HMGB1: variants seen among roughly 807,000 people sequenced by gnomAD.
HMGB1 encodes the protein high mobility group protein B1.
For missense variants in HMGB1, 79 were observed against 253.5 expected (o/e 0.31, Z 4.67); for synonymous variants, 81 against 84.0 (o/e 0.96, Z 0.19).
chr13:30,502,700 C>A (rs1887762024), intron 1 of HMGB1, among the ~76,000 whole-genome samples: 1 of 148,524 alleles, frequency 6.7e-6, no homozygotes, highest in Non-Finnish European at 1.5e-5. Context: ...ACTCTGTCAC[C>A]CAGGCTGGGA....
chr13:30,519,453 T>C (rs1389561736), intron 1 of HMGB1, among the ~76,000 whole-genome samples: 1 of 150,408 alleles, frequency 6.6e-6, no homozygotes, highest in Non-Finnish European at 1.5e-5. Context: ...CCCAGCACTT[T>C]GGGAGGCCAA....
At chr13:30,470,517 T>C (rs145775891), upstream of HMGB1, among the ~76,000 whole-genome samples, 388 of 152,336 alleles carry the variant, frequency 2.5e-3, 6 homozygotes, top group East Asian at 1.2e-3. Context: ...TCTAAGCATT[T>C]ACCAGTTTCC....
At chr13:30,616,307 A>C (rs910227882) in intron 1 of HMGB1, among the ~76,000 whole-genome samples, 1 of 152,242 alleles carries the variant, frequency 6.6e-6, no homozygotes, top group Non-Finnish European at 1.5e-5. Flanking sequence ...TACCAAATTT[A>C]CACTGAAAGA....
intron 1 of HMGB1, among the ~76,000 whole-genome samples, chr13:30,574,941 C>A (rs1490872644): frequency 1.3e-5 from 2 of 152,244 alleles, no homozygotes. Flanking sequence ...TATGCATATA[C>A]TACATAAAAA....
intron 1 of HMGB1, among the ~76,000 whole-genome samples, chr13:30,583,854 A>G (rs1245268889): frequency 6.6e-6 from 1 of 151,050 alleles, no homozygotes; most frequent in Non-Finnish European, 1.5e-5. Context: ...AAAGAAAGAA[A>G]GAAAGAAAGA....
chr13:30,474,712 A>C (rs1887025374), intron 1 of HMGB1, among the ~76,000 whole-genome samples: 1 of 147,602 alleles, frequency 6.8e-6, no homozygotes, highest in Non-Finnish European at 1.5e-5. Flanking sequence ...CAGTGATTGA[A>C]CCACTGCACT....
chr13:30,465,179 T>TC lies in HMGB1; in HGVS notation c.-15+616dup, dbSNP rs1163054167. 576 of 929,142 alleles carry TC rather than the reference T, an allele frequency of 6.2e-4. 1 individual carries two copies. The highest frequency in any genetic ancestry group is 6.9e-4 in the Non-Finnish European group (550 of 792,728). 57.6% of individuals were successfully genotyped at this position (929,142 alleles called of 1,614,324 possible). On this transcript the variant is annotated intron_variant, in intron 1 of 4. Coordinates refer to ENST00000341423, the MANE Select transcript of HMGB1 (RefSeq NM_002128.7). ...GTTCCAGCGAGCGCAGCGGCGCCGC[T>TC]CCCCCCGCCGCCCGGCCGCCGCCGC...
chr13:30,468,986 C>T (rs894929459), upstream of HMGB1, among the ~76,000 whole-genome samples: 5 of 152,180 alleles, frequency 3.3e-5, no homozygotes, highest in African/African-American at 4.8e-5. Flanking sequence ...CTCCACCTCC[C>T]GGGTTCAAGC....
chr13:30,478,756 T>C (rs1887157230), intron 1 of HMGB1, among the ~76,000 whole-genome samples: 1 of 152,220 alleles, frequency 6.6e-6, no homozygotes, highest in South Asian at 2.1e-4. Context: ...AGCCTCAAAC[T>C]CTTGGGCTCA....
chr13:30,609,150 C>T (rs994550423), intron 1 of HMGB1, among the ~76,000 whole-genome samples: 1 of 152,174 alleles, frequency 6.6e-6, no homozygotes, highest in Non-Finnish European at 1.5e-5. Context: ...GTAGTCCCAG[C>T]TACTCAGGAC....
intron 1 of HMGB1, among the ~76,000 whole-genome samples, chr13:30,527,942 A>G (rs1888408351): frequency 6.6e-6 from 1 of 152,232 alleles, no homozygotes; most frequent in Non-Finnish European, 1.5e-5. Flanking sequence ...TTGAAATTTT[A>G]AAAAGGCAAA....
chr13:30,556,398 C>G (rs1566024173), intron 1 of HMGB1, among the ~76,000 whole-genome samples: 2 of 152,156 alleles, frequency 1.3e-5, no homozygotes, highest in African/African-American at 4.8e-5. Context: ...GAGAGAAACT[C>G]TGTTTCAAAA....
In HMGB1 at chr13:30,590,306, A is replaced by C. The variant is rs151134728; in HGVS notation, c.-15+26365T>G. Among the ~76,000 whole-genome samples, 532 of 152,082 alleles carry C rather than the reference A, an allele frequency of 3.5e-3. 2 individuals are homozygous for C. The highest frequency in any genetic ancestry group is 0.011 in the African/African-American group (457 of 41,494). ...AATTTATTTTTAATACAGCACTTTA[A>C]ATTTTATTTTTAAATTTTAATCTAT... On this transcript the variant is annotated intron_variant, in intron 1 of 4. Coordinates refer to the HMGB1 transcript ENST00000405805.
chr13:30,564,267 T>C (rs1870087899), intron 1 of HMGB1, among the ~76,000 whole-genome samples: 1 of 120,890 alleles, frequency 8.3e-6, no homozygotes, highest in African/African-American at 3.3e-5. Context: ...AACCCGGCTC[T>C]ACTAAAAATG....
chr13:30,460,282 CAATT>C lies in HMGB1; in HGVS notation c.*1071_*1074del, dbSNP rs1565992106. On this transcript the variant is annotated 3_prime_UTR_variant, in exon 5 of 5. Coordinates refer to ENST00000341423, the MANE Select transcript of HMGB1 (RefSeq NM_002128.7). Reference sequence around the variant, plus strand: ...GGCATCTTTGTTTGAAAAGCTGGCCCAATTAATTAAAAATACTTGTAATGGAAAG... The same window carrying C: ...GGCATCTTTGTTTGAAAAGCTGGCCCAATTAAAAATACTTGTAATGGAAAG... 2.1e-5 allele frequency: 3 copies of C among 145,646 alleles called. No homozygotes were observed. The highest frequency in any genetic ancestry group is 2.0e-4 in the East Asian group (1 of 5,098). The allele number at this position is 145,646 out of a possible 1,614,324, so 9.0% of individuals were successfully genotyped here. A position where few individuals can be genotyped will look rare whatever the true frequency, so the allele number is the denominator to read the frequency against.
chr13:30,611,471 A>C (rs1950512448), intron 1 of HMGB1, among the ~76,000 whole-genome samples: 1 of 152,212 alleles, frequency 6.6e-6, no homozygotes. Context: ...AAGTGAAGCT[A>C]AACATTTATT....
chr13:30,567,484 G>T (rs1870236056), intron 1 of HMGB1, among the ~76,000 whole-genome samples: 1 of 151,808 alleles, frequency 6.6e-6, no homozygotes, highest in Non-Finnish European at 1.5e-5. Context: ...CGAGTAGCTG[G>T]GATTACAGGT....
At chr13:30,466,176 G>A (rs1341709276), upstream of HMGB1, among the ~76,000 whole-genome samples, 1 of 152,220 alleles carries the variant, frequency 6.6e-6, no homozygotes, top group Non-Finnish European at 1.5e-5. Context: ...GCTCTATGGT[G>A]TATGTGTGCA....
rs1259078905 is a variant in HMGB1, at chr13:30,597,227, A to C, written c.-15+19444T>G. On this transcript the variant is annotated intron_variant, in intron 1 of 4. Transcript: ENST00000405805. ...CCAATACGACCAGTGTCCTTATAAAAAAAAGGAAATTTGGATACAGATACA... is the reference window on the plus strand; with the variant it reads ...CCAATACGACCAGTGTCCTTATAAACAAAAGGAAATTTGGATACAGATACA... Among the ~76,000 whole-genome samples the C allele has an allele frequency of 2.0e-5, 3 of 151,924 alleles. No homozygotes were observed. In the East Asian group the frequency reaches 5.8e-4, roughly 29 times the overall value.
Sources: allele counts gnomAD v4.1 joint callset (sites outside exome capture counted in the v4.1 genomes callset), GRCh38; gene constraint gnomAD v4.1.1; transcripts MANE v1.5; gene names NCBI Gene and HGNC (gene_info 2026-07-23, HGNC 2026-07-21).